KIF26B: variants seen among roughly 807,000 people sequenced by gnomAD.
The protein encoded by KIF26B is kinesin family member 26B.
Under a neutral mutation model 151.2 loss-of-function variants are expected in KIF26B, and 63 were observed. The ratio of observed to expected loss-of-function variants is 0.42; its 90% CI spans 0.34 to 0.51. The LOEUF (loss-of-function observed/expected upper bound fraction) is 0.51, where lower values mean the gene tolerates loss of function less well. Ranked by LOEUF, KIF26B falls within the 20% of genes least tolerant of loss-of-function variation. The pLI is 0.07. For synonymous variants in KIF26B, 1,357 were observed against 1,262.1 expected (o/e 1.08, Z -1.59); for missense variants, 2,813 against 2,913.6 (o/e 0.97, Z 0.79).
At position 245,597,964 on chromosome 1, in the gene KIF26B, G is replaced by GT. The variant is rs2043352516; in HGVS notation, c.1351-4608dup. On this transcript the variant is annotated intron_variant, in intron 5 of 14. Transcript: ENST00000407071. The surrounding 1 kb of genome is among the most constrained non-coding windows in gnomAD (Gnocchi z 4.6). ...GTGCTTCATGAAGTTCTCATGCTGT[G>GT]TTTTTCAACTCCATCAGGTCATTTG... 1.3e-5 allele frequency among the ~76,000 whole-genome samples: 2 copies of GT among 151,940 alleles called. No homozygotes were observed. The highest frequency in any genetic ancestry group is 4.1e-4 in the South Asian group (2 of 4,822).
chr1:245,186,847 T>C lies in KIF26B; in HGVS notation c.465+30164T>C, dbSNP rs566090587. Among the ~76,000 whole-genome samples, 19 of 152,182 alleles carry C rather than the reference T, an allele frequency of 1.2e-4. No homozygotes were observed. In the South Asian group the frequency reaches 3.5e-3, roughly 28 times the overall value. ...TGGATAAAAAGCCAAATACTTTTTT[T>C]TTTCTTTCTTTCTTTCTTTTTTTTT... On this transcript the variant is annotated intron_variant, in intron 2 of 14. Coordinates refer to ENST00000407071, the MANE Select transcript of KIF26B (RefSeq NM_018012.4).
intron 2 of KIF26B, among the ~76,000 whole-genome samples, chr1:245,335,657 GGGGTCCCACGCGGGGAAAGAA>G (rs1461179170): frequency 4.5e-4 from 56 of 124,944 alleles, no homozygotes; most frequent in Admixed American, 1.7e-3. Context: ...AGGGGAAAGG[GGGGTCCCACGCGGGGAAAGAA>G]GGGTCCCACG....
chr1:245,549,484 A>G (rs1661827622), intron 5 of KIF26B, among the ~76,000 whole-genome samples: 1 of 152,350 alleles, frequency 6.6e-6, no homozygotes, highest in Non-Finnish European at 1.5e-5. Context: ...TTAAGCTAAC[A>G]TTCCCAGCAT....
At chr1:245,559,133 G>A (rs1662107257) in intron 5 of KIF26B, among the ~76,000 whole-genome samples, 1 of 152,152 alleles carries the variant, frequency 6.6e-6, no homozygotes, top group African/African-American at 2.4e-5. Context: ...GATCGCTTGA[G>A]CCCAAAGTTG....
At chr1:245,657,827 CAT>C (rs1268284462) in intron 10 of KIF26B, among the ~76,000 whole-genome samples, 1 of 152,156 alleles carries the variant, frequency 6.6e-6, no homozygotes, top group Non-Finnish European at 1.5e-5. Flanking sequence ...ATGTCTTTGA[CAT>C]GTTTTGATTG....
intron 4 of KIF26B, among the ~76,000 whole-genome samples, chr1:245,471,677 C>G (rs1659917732): frequency 6.6e-6 from 1 of 152,142 alleles, no homozygotes; most frequent in South Asian, 2.1e-4. Context: ...CGTTTTCTCT[C>G]TGGATATATA....
At chr1:245,444,784 C>T (rs115076819) in intron 4 of KIF26B, among the ~76,000 whole-genome samples, 4,955 of 152,208 alleles carry the variant, frequency 0.033, 101 homozygotes, top group Non-Finnish European at 0.047. Context: ...GGGAAAATGA[C>T]GTGAGGGGTT....
At chr1:245,684,422 G>T (rs1467304176) in intron 11 of KIF26B, 27 bp downstream of exon 11, 2 of 1,552,030 alleles carry the variant, frequency 1.3e-6, no homozygotes, top group African/African-American at 2.7e-5. Flanking sequence ...GTGGGGGGGT[G>T]GTGGATGAGG....
chr1:245,434,256 A>G (rs1269626623), intron 4 of KIF26B, among the ~76,000 whole-genome samples: 1 of 152,226 alleles, frequency 6.6e-6, no homozygotes, highest in Non-Finnish European at 1.5e-5. Context: ...TACCACCTAA[A>G]AGTGTTCAGC....
chr1:245,280,530 C>CAAAAAAAAAAAAAAAAAAA lies in KIF26B; in HGVS notation c.466-86293_466-86292insAAAAAAAAAAAAAAAAAAA, dbSNP rs1170207967. ...TGGGCAACAGAGCGAGACTCTGTCT[C>CAAAAAAAAAAAAAAAAAAA]AAAAAAAAAAAGAAAAGAAATTATT... On this transcript the variant is annotated intron_variant, in intron 2 of 14. Transcript: ENST00000407071. Among the ~76,000 whole-genome samples the CAAAAAAAAAAAAAAAAAAA allele has an allele frequency of 2.5e-5, 2 of 79,638 alleles. 1 individual carries two copies. Among genetic ancestry groups the CAAAAAAAAAAAAAAAAAAA allele is most frequent in the African/African-American group, 1.3e-4 (2 of 15,120 alleles). The allele number at this position is 79,638 out of a possible 152,430, so 52.2% of individuals were successfully genotyped here.
intron 4 of KIF26B, among the ~76,000 whole-genome samples, chr1:245,450,246 C>T (rs984225858): frequency 6.6e-6 from 1 of 152,136 alleles, no homozygotes; most frequent in Non-Finnish European, 1.5e-5. Flanking sequence ...TTGCTCTCTC[C>T]GTCTAGCTTG....
chr1:245,515,484 T>G (rs1660941642), intron 4 of KIF26B, among the ~76,000 whole-genome samples: 1 of 140,040 alleles, frequency 7.1e-6, no homozygotes, highest in Non-Finnish European at 1.6e-5. Context: ...GTCCCTGCCC[T>G]GCCTCAGGTC....
intron 2 of KIF26B, among the ~76,000 whole-genome samples, chr1:245,168,507 A>G (rs1328762387): frequency 6.6e-6 from 1 of 152,256 alleles, no homozygotes; most frequent in Non-Finnish European, 1.5e-5. Flanking sequence ...TATTTGAAGA[A>G]AAGTATTGCC....
At chr1:245,618,974 A>G (rs374979761) in intron 9 of KIF26B, among the ~76,000 whole-genome samples, 2,212 of 118,088 alleles carry the variant, frequency 0.019, 75 homozygotes, top group Admixed American at 0.059. Context: ...GGCTGTGTCC[A>G]CTGCATCAGT....
chr1:245,453,857 T>C (rs541734289), intron 4 of KIF26B, among the ~76,000 whole-genome samples: 3 of 152,342 alleles, frequency 2.0e-5, no homozygotes, highest in Admixed American at 2.0e-4. Context: ...TAAATCCTGA[T>C]ATTAAAGTAA....
At chr1:245,579,994 G>A (rs1207250433) in intron 5 of KIF26B, among the ~76,000 whole-genome samples, 1 of 152,124 alleles carries the variant, frequency 6.6e-6, no homozygotes, top group African/African-American at 2.4e-5. Context: ...TTCCTCTAGG[G>A]TCTGCCCCTG....
chr1:245,660,271 G>A (rs1359454336), intron 10 of KIF26B, among the ~76,000 whole-genome samples: 1 of 15,090 alleles, frequency 6.6e-5, no homozygotes, highest in Non-Finnish European at 1.3e-4. Context: ...GGTGTCGTGA[G>A]GATCTAAGTA....
chr1:245,652,131 TGTGTGTGTGTGTGTGAGA>T (rs1257962980), intron 10 of KIF26B, among the ~76,000 whole-genome samples: 19 of 139,458 alleles, frequency 1.4e-4, no homozygotes, highest in African/African-American at 3.9e-4. Context: ...TGTGTGTGTG[TGTGTGTGTGTGTGTGAGA>T]GAGACATATG....
chr1:245,272,816 T>C (rs936178654), intron 2 of KIF26B, among the ~76,000 whole-genome samples: 1 of 152,198 alleles, frequency 6.6e-6, no homozygotes, highest in African/African-American at 2.4e-5. Flanking sequence ...TTTTCACATA[T>C]TTGTGAATTT....
Sources: gnomAD v4.1 joint callset for allele counts (sites outside exome capture counted in the v4.1 genomes callset) on GRCh38, gnomAD v4.1.1 for gene constraint, Gnocchi (gnomAD v3.1) non-coding constraint, MANE v1.5 for transcripts, NCBI Gene and HGNC (gene_info 2026-07-23, HGNC 2026-07-21) for gene names.